Variants in NAA11 observed in about 807,000 individuals in gnomAD.
NAA11 encodes N-alpha-acetyltransferase 11.
In NAA11, 15 loss-of-function variants were observed where a neutral mutation model predicts 16.1. The observed-to-expected ratio is 0.93, with a 90% CI of 0.62 to 1.44. The LOEUF is 1.44. Ranked by LOEUF, NAA11 falls within the 40% of genes most tolerant of loss-of-function variation. NAA11 has a pLI of 0.00. For synonymous variants in NAA11, 122 were observed against 112.4 expected (o/e 1.09, Z -0.54); for missense variants, 298 against 291.3 (o/e 1.02, Z -0.17).
the NAA11 span, among the ~76,000 whole-genome samples, chr4:79,171,399 G>T: frequency 1.3e-5 from 2 of 152,122 alleles, no homozygotes; most frequent in African/African-American, 4.8e-5. Context: ...GTCTTCACCA[G>T]ATGTGGGCCC....
At position 79,284,878 on chromosome 4, in the gene NAA11, CAAAAAAAAAAAAA is replaced by C. The variant is rs558413914; in HGVS notation, c.*122+9114_*122+9126del. 5.8e-4 allele frequency among the ~76,000 whole-genome samples: 3 copies of C among 5,150 alleles called. 1 individual carries two copies. Among genetic ancestry groups the C allele is most frequent in the South Asian group, 0.012 (2 of 168 alleles). 3.4% of individuals were successfully genotyped at this position (5,150 alleles called of 152,430 possible). A position where few individuals can be genotyped will look rare whatever the true frequency, so the allele number is the denominator to read the frequency against. Reference sequence around the variant, plus strand: ...TGGGCGACAGAGCGAGACTCCGTCTCAAAAAAAAAAAAAAAAAAAAAAAAAAAGAATGATTGAG... The same window carrying C: ...TGGGCGACAGAGCGAGACTCCGTCTCAAAAAAAAAAAAAAGAATGATTGAG... On this transcript the variant is annotated intron_variant and NMD_transcript_variant, in intron 2 of 2. Transcript: ENST00000511542.
At chr4:79,238,885 T>C (rs903849963) in intron 2 of NAA11, among the ~76,000 whole-genome samples, 1 of 152,230 alleles carries the variant, frequency 6.6e-6, no homozygotes, top group Non-Finnish European at 1.5e-5. Flanking sequence ...TAGACACTAA[T>C]GTCACTGCAA....
chr4:79,238,073 C>T (rs1008799691), intron 2 of NAA11, among the ~76,000 whole-genome samples: 4 of 152,172 alleles, frequency 2.6e-5, no homozygotes, highest in African/African-American at 7.2e-5. Flanking sequence ...GTAGCTACTA[C>T]CAGAGAACAA....
the NAA11 span, among the ~76,000 whole-genome samples, chr4:79,193,164 C>T: frequency 5.9e-5 from 9 of 151,944 alleles, no homozygotes; most frequent in South Asian, 2.1e-4. Context: ...TTTTCTCCCA[C>T]TCTGTAGGTT....
chr4:79,194,203 A>AT, the NAA11 span, among the ~76,000 whole-genome samples: 1 of 27,216 alleles, frequency 3.7e-5, no homozygotes, highest in South Asian at 1.4e-3. Flanking sequence ...TCCTAATTGA[A>AT]TACTGTCGTT....
At chr4:79,188,451 G>A in the NAA11 span, among the ~76,000 whole-genome samples, 7 of 152,166 alleles carry the variant, frequency 4.6e-5, no homozygotes, top group South Asian at 1.5e-3. Flanking sequence ...CCGGCCTAGT[G>A]GTGGGCACCT....
At chr4:79,258,014 C>T (rs913173416) in intron 2 of NAA11, among the ~76,000 whole-genome samples, 7 of 152,334 alleles carry the variant, frequency 4.6e-5, no homozygotes, top group Non-Finnish European at 7.3e-5. Flanking sequence ...CCATCTGGAG[C>T]GGCTACTGCC....
At chr4:79,316,383 G>T (rs75847866), downstream of NAA11, among the ~76,000 whole-genome samples, 1,746 of 152,248 alleles carry the variant, frequency 0.011, 40 homozygotes, top group African/African-American at 0.04. Context: ...TTTCATGTAG[G>T]GAAAAACTTT....
chr4:79,318,317 T>C (rs1723988314), intron 1 of NAA11, among the ~76,000 whole-genome samples: 1 of 152,210 alleles, frequency 6.6e-6, no homozygotes, highest in Non-Finnish European at 1.5e-5. Context: ...TAATGTTTCT[T>C]TATTCACAAA....
the NAA11 span, among the ~76,000 whole-genome samples, chr4:79,184,402 A>G: frequency 6.6e-6 from 1 of 152,194 alleles, no homozygotes; most frequent in African/African-American, 2.4e-5. Context: ...AGATAATCAC[A>G]TGTAAAATAG....
chr4:79,206,891 A>G, the NAA11 span, among the ~76,000 whole-genome samples: 1 of 152,208 alleles, frequency 6.6e-6, no homozygotes, highest in East Asian at 1.9e-4. Flanking sequence ...TTCAAGTGCT[A>G]TTTCTTTACA....
downstream of NAA11, among the ~76,000 whole-genome samples, chr4:79,314,550 G>C (rs1723872125): frequency 1.4e-5 from 2 of 147,620 alleles, no homozygotes; most frequent in Admixed American, 1.4e-4. Context: ...ACTATACTTT[G>C]AGAAACAATA....
At chr4:79,164,992 A>G in the NAA11 span, among the ~76,000 whole-genome samples, 81 of 152,356 alleles carry the variant, frequency 5.3e-4, no homozygotes, top group Middle Eastern at 6.8e-3. Flanking sequence ...CAGGCACACC[A>G]CACGGAGGGA....
At chr4:79,182,262 T>C in the NAA11 span, among the ~76,000 whole-genome samples, 1 of 152,308 alleles carries the variant, frequency 6.6e-6, no homozygotes, top group South Asian at 2.1e-4. Context: ...TTTAACGTAT[T>C]AAAAATATGT....
At chr4:79,218,050 C>T in the NAA11 span, among the ~76,000 whole-genome samples, 1 of 152,094 alleles carries the variant, frequency 6.6e-6, no homozygotes, top group African/African-American at 2.4e-5. Flanking sequence ...GAATTTAAAA[C>T]TGAATAGTAA....
chr4:79,193,591 C>G, the NAA11 span, among the ~76,000 whole-genome samples: 151,041 of 152,220 alleles, frequency 0.99, 74,947 homozygotes, highest in Middle Eastern at 1. Context: ...CTATATCTCT[C>G]TTTTGGTACC....
At chr4:79,225,117 T>C (rs1394351890), downstream of NAA11, among the ~76,000 whole-genome samples, 1 of 152,096 alleles carries the variant, frequency 6.6e-6, no homozygotes, top group Non-Finnish European at 1.5e-5. Context: ...ATTATATCAA[T>C]ATTAGTTTAT....
At chr4:79,167,132 T>TTATATATA in the NAA11 span, among the ~76,000 whole-genome samples, 168 of 17,286 alleles carry the variant, frequency 9.7e-3, 33 homozygotes, top group South Asian at 0.028. Flanking sequence ...ACAGCTTATT[T>TTATATATA]TATATATATA....
At chr4:79,297,998 A>C (rs1228335477) in intron 1 of NAA11, among the ~76,000 whole-genome samples, 1 of 152,204 alleles carries the variant, frequency 6.6e-6, no homozygotes, top group Non-Finnish European at 1.5e-5. Flanking sequence ...GGCTGATAAA[A>C]GCCCAGGGCT....
Sources: allele counts gnomAD v4.1 joint callset (sites outside exome capture counted in the v4.1 genomes callset), GRCh38; gene constraint gnomAD v4.1.1; transcripts MANE v1.5; gene names NCBI Gene and HGNC (gene_info 2026-07-23, HGNC 2026-07-21).